Variants in ARIH1 observed in about 807,000 individuals in gnomAD.
ARIH1 encodes ariadne RBR E3 ubiquitin protein ligase 1.
Under a neutral mutation model 85.0 loss-of-function variants are expected in ARIH1, and 8 were observed. The ratio of observed to expected loss-of-function variants is 0.09; its 90% CI spans 0.06 to 0.17. ARIH1 has a LOEUF of 0.17. Among genes scored for constraint, ARIH1 ranks in the 10% least tolerant of loss-of-function variants. The probability of loss-of-function intolerance (pLI) is 1.00; values close to 1 mark genes in which losing one functional copy is unlikely to be tolerated. For missense variants in ARIH1, 311 were observed against 718.1 expected, an observed-to-expected ratio of 0.43 and a Z score of 6.48; for synonymous variants, 238 against 253.6, an observed-to-expected ratio of 0.94 and a Z score of 0.59.
chr15:72,524,631 T>TC (rs2064019001), intron 2 of ARIH1, among the ~76,000 whole-genome samples: 1 of 152,200 alleles, frequency 6.6e-6, no homozygotes. Flanking sequence ...AGTAAAAGAT[T>TC]CCACTCCTTC....
Position 72,583,196 on chromosome 15 carries a change from CTT to C in ARIH1, c.1590-10_1590-9del, listed in dbSNP as rs2064301572. ...TGACAACAAGTTTTTTTTTTTTTCT[CTT>C]TGATTACAGATACTGTGAGAGTCGA... On this transcript the variant is annotated splice_polypyrimidine_tract_variant and intron_variant, in intron 13 of 13. Transcript: ENST00000379887. 3 of 1,490,798 alleles carry C rather than the reference CTT, an allele frequency of 2.0e-6. No individual in the cohort carries two copies. The highest frequency in any genetic ancestry group is 4.8e-5 in the East Asian group (2 of 41,656). The allele number at this position is 1,490,798 out of a possible 1,614,324, so 92.3% of individuals were successfully genotyped here. A position where few individuals can be genotyped will look rare whatever the true frequency, so the allele number is the denominator to read the frequency against.
chr15:72,487,724 G>A (rs1255402911), intron 1 of ARIH1, among the ~76,000 whole-genome samples: 1 of 151,740 alleles, frequency 6.6e-6, no homozygotes, highest in East Asian at 1.9e-4. Context: ...CCTAGTTTAG[G>A]ACCTTTTTAT....
At chr15:72,512,230 T>C (rs919912469) in intron 1 of ARIH1, among the ~76,000 whole-genome samples, 7 of 152,072 alleles carry the variant, frequency 4.6e-5, no homozygotes, top group Non-Finnish European at 8.8e-5. Flanking sequence ...TTTTCTTCCT[T>C]GAATGATTAG....
rs958435527 is a variant in ARIH1, at chr15:72,508,656, C to T, written c.376-9411C>T. Among the ~76,000 whole-genome samples the T allele has an allele frequency of 2.6e-5, 4 of 151,598 alleles. No individual in the cohort carries two copies. The East Asian group carries it at 7.7e-4, about 29-fold the overall frequency. On this transcript the variant is annotated intron_variant, in intron 1 of 13. Transcript: ENST00000379887. Reference sequence around the variant, plus strand: ...TAAATAATTTCAAATCTATGTTCTCCTTTTCAGCATTCCCTTTTACTCTCA... The same window carrying T: ...TAAATAATTTCAAATCTATGTTCTCTTTTTCAGCATTCCCTTTTACTCTCA...
intron 7 of ARIH1, among the ~76,000 whole-genome samples, chr15:72,565,464 C>T (rs1330476505): frequency 6.6e-6 from 1 of 151,760 alleles, no homozygotes; most frequent in African/African-American, 2.4e-5. Flanking sequence ...TTCTTTTTTT[C>T]CTCCAAACAT....
intron 1 of ARIH1, among the ~76,000 whole-genome samples, chr15:72,499,526 T>C (rs962750014): frequency 6.6e-6 from 1 of 152,222 alleles, no homozygotes; most frequent in Non-Finnish European, 1.5e-5. Context: ...AACCAAATGT[T>C]ATTAGTTCGC....
In ARIH1 at chr15:72,601,572, C is replaced by T. The variant is rs565586764; in HGVS notation, c.*18280C>T. 1 of 152,294 alleles carries T rather than the reference C, an allele frequency of 6.6e-6. No individual in the cohort carries two copies. Among genetic ancestry groups the T allele is most frequent in the Non-Finnish European group, 1.5e-5 (1 of 68,034 alleles). 9.4% of individuals were successfully genotyped at this position (152,294 alleles called of 1,614,324 possible). A position where few individuals can be genotyped will look rare whatever the true frequency, so the allele number is the denominator to read the frequency against. ...TTCATCCCCTTTCCCTAAGCTAATG[C>T]CTTACCCTTTAGGTCTCATTTTAAA... On this transcript the variant is annotated 3_prime_UTR_variant, in exon 14 of 14. Transcript: ENST00000379887.
intron 1 of ARIH1, among the ~76,000 whole-genome samples, chr15:72,498,849 A>T (rs962032471): frequency 7.9e-5 from 10 of 127,022 alleles, no homozygotes; most frequent in Non-Finnish European, 1.3e-4. Flanking sequence ...TCTCAAAAAT[A>T]AAAAAAAAAA....
At position 72,519,475 on chromosome 15, in the gene ARIH1, G is replaced by GTTTTTTTT. The variant is rs150165121; in HGVS notation, c.443+1359_443+1366dup. Among the ~76,000 whole-genome samples, 188 of 62,504 alleles carry GTTTTTTTT rather than the reference G, an allele frequency of 3.0e-3. 1 individual carries two copies. Among genetic ancestry groups the GTTTTTTTT allele is most frequent in the African/African-American group, 3.6e-3 (56 of 15,398 alleles). 41.0% of individuals were successfully genotyped at this position (62,504 alleles called of 152,430 possible). A position where few individuals can be genotyped will look rare whatever the true frequency, so the allele number is the denominator to read the frequency against. On this transcript the variant is annotated intron_variant, in intron 2 of 13. Coordinates refer to ENST00000379887, the MANE Select transcript of ARIH1 (RefSeq NM_005744.5). Reference sequence around the variant, plus strand: ...TATGCATTCTGACCATGTTTTTTTTGTTTTTTTTTTTTTTTTTTTTTTTTT... The same window carrying GTTTTTTTT: ...TATGCATTCTGACCATGTTTTTTTTGTTTTTTTTTTTTTTTTTTTTTTTTTTTTTTTTT...
intron 1 of ARIH1, among the ~76,000 whole-genome samples, chr15:72,494,938 A>C (rs138063418): frequency 3.9e-5 from 6 of 152,294 alleles, no homozygotes; most frequent in African/African-American, 1.4e-4. Flanking sequence ...TGATTTTAAT[A>C]AATTCTGTTT....
At chr15:72,480,658 AG>A (rs2063812916) in intron 1 of ARIH1, among the ~76,000 whole-genome samples, 1 of 151,082 alleles carries the variant, frequency 6.6e-6, no homozygotes, top group Non-Finnish European at 1.5e-5. Context: ...TCTGCCTCCC[AG>A]GTTCAAGCGA....
chr15:72,485,421 G>A (rs796263353), intron 1 of ARIH1, among the ~76,000 whole-genome samples: 4 of 152,118 alleles, frequency 2.6e-5, no homozygotes, highest in African/African-American at 9.6e-5. Flanking sequence ...GAGAGCTCCT[G>A]CTTTTGTAAG....
At chr15:72,500,612 A>G (rs1017500411) in intron 1 of ARIH1, among the ~76,000 whole-genome samples, 3 of 152,212 alleles carry the variant, frequency 2.0e-5, no homozygotes, top group African/African-American at 7.2e-5. Context: ...AAAACAATGG[A>G]TATAACTTAA....
intron 1 of ARIH1, among the ~76,000 whole-genome samples, chr15:72,501,468 T>A (rs1168288616): frequency 6.6e-6 from 1 of 152,212 alleles, no homozygotes; most frequent in African/African-American, 2.4e-5. Context: ...TGTTTTGAGT[T>A]GCACGGTTTG....
chr15:72,524,039 C>T (rs1346666424), intron 2 of ARIH1, among the ~76,000 whole-genome samples: 7 of 149,642 alleles, frequency 4.7e-5, no homozygotes, highest in East Asian at 2.0e-4. Flanking sequence ...CTCCGCCTCC[C>T]GGGCTCACGC....
intron 1 of ARIH1, among the ~76,000 whole-genome samples, chr15:72,483,094 T>A (rs1210536320): frequency 1.3e-5 from 2 of 152,102 alleles, no homozygotes; most frequent in Admixed American, 1.3e-4. Flanking sequence ...ACACCTTAAT[T>A]CAAGGGATCT....
intron 1 of ARIH1, among the ~76,000 whole-genome samples, chr15:72,507,674 AAAAT>A (rs563992634): frequency 2.6e-5 from 4 of 152,282 alleles, no homozygotes; most frequent in East Asian, 3.9e-4. Context: ...TCTTTAAATA[AAAAT>A]AAATAAATAA....
At chr15:72,522,802 G>A (rs1234567758) in intron 2 of ARIH1, among the ~76,000 whole-genome samples, 2 of 152,152 alleles carry the variant, frequency 1.3e-5, no homozygotes, top group African/African-American at 2.4e-5. Context: ...AAACTCAACA[G>A]TAAGAAAACA....
In ARIH1 at chr15:72,507,581, C is replaced by G. The variant is rs1373898619; in HGVS notation, c.376-10486C>G. Among the ~76,000 whole-genome samples the G allele has an allele frequency of 1.3e-5, 2 of 152,216 alleles. 1 individual carries two copies. The highest frequency in any genetic ancestry group is 1.3e-4 in the Admixed American group (2 of 15,292). On this transcript the variant is annotated intron_variant, in intron 1 of 13. Coordinates refer to ENST00000379887, the MANE Select transcript of ARIH1 (RefSeq NM_005744.5). Reference sequence around the variant, plus strand: ...GTGCACAGTGGCTCATTCCTATAATCCCTGTGTTTTGGGAGGCTGAAGCTG... The same window carrying G: ...GTGCACAGTGGCTCATTCCTATAATGCCTGTGTTTTGGGAGGCTGAAGCTG...
Sources: allele counts gnomAD v4.1 joint callset (sites outside exome capture counted in the v4.1 genomes callset), GRCh38; gene constraint gnomAD v4.1.1; transcripts MANE v1.5; gene names NCBI Gene and HGNC (gene_info 2026-07-23, HGNC 2026-07-21).